Variants in CNTNAP2 observed in about 807,000 individuals in gnomAD.
CNTNAP2 encodes the protein contactin associated protein 2.
Under a neutral mutation model 155.2 loss-of-function variants are expected in CNTNAP2, and 98 were observed. That is an observed-to-expected ratio of 0.63 (90% CI 0.54 to 0.75). The LOEUF (loss-of-function observed/expected upper bound fraction) is 0.75. CNTNAP2 is among the 30% of genes least tolerant of loss of function. CNTNAP2 has a pLI of 0.00. For synonymous variants in CNTNAP2, 651 were observed against 631.2 expected (o/e 1.03, Z -0.47); for missense variants, 1,727 against 1,688.1 (o/e 1.02, Z -0.40).
intron 4 of CNTNAP2, among the ~76,000 whole-genome samples, chr7:147,051,447 G>A (rs1799472455): frequency 1.3e-5 from 2 of 151,848 alleles, no homozygotes; most frequent in African/African-American, 4.8e-5. Context: ...TGAATTTTTG[G>A]CAGAATAAAT....
intron 3 of CNTNAP2, among the ~76,000 whole-genome samples, chr7:146,867,166 C>A (rs1055742502): frequency 1.3e-5 from 2 of 152,100 alleles, no homozygotes; most frequent in Non-Finnish European, 2.9e-5. Context: ...TCTTCTCCCT[C>A]TTCCAAACTT....
At chr7:148,362,834 C>G (rs1458944258) in intron 21 of CNTNAP2, among the ~76,000 whole-genome samples, 1 of 152,208 alleles carries the variant, frequency 6.6e-6, no homozygotes. Context: ...CAGATGGTCT[C>G]CAACTTATGA....
In CNTNAP2 at chr7:148,204,421, T is replaced by A. The variant is rs115192114; in HGVS notation, c.3011-12867T>A. ...AATATTACAAAAGATATGTACTGCT[T>A]TTACAATAATCAGCAAATGGGAATG... is the stretch of plus-strand genomic sequence containing the variant. On this transcript the variant is annotated intron_variant, in intron 18 of 23. Coordinates refer to ENST00000361727, the MANE Select transcript of CNTNAP2 (RefSeq NM_014141.6). 6.3e-3 allele frequency among the ~76,000 whole-genome samples: 955 copies of A among 152,128 alleles called. 10 individuals carry two copies. The highest frequency in any genetic ancestry group is 0.022 in the African/African-American group (919 of 41,512).
At chr7:148,022,251 T>C (rs1455182117) in intron 15 of CNTNAP2, among the ~76,000 whole-genome samples, 1 of 152,102 alleles carries the variant, frequency 6.6e-6, no homozygotes, top group East Asian at 1.9e-4. Context: ...GCAGATTGCC[T>C]GAGCTCAGGA....
intron 15 of CNTNAP2, among the ~76,000 whole-genome samples, chr7:147,995,939 A>G (rs898776094): frequency 9.2e-5 from 14 of 152,186 alleles, no homozygotes; most frequent in African/African-American, 2.9e-4. Flanking sequence ...CAGCTACATA[A>G]TTTGCAAAGT....
At chr7:147,711,261 A>C (rs948435941) in intron 13 of CNTNAP2, among the ~76,000 whole-genome samples, 2 of 152,168 alleles carry the variant, frequency 1.3e-5, no homozygotes, top group Non-Finnish European at 2.9e-5. Flanking sequence ...CTTATACTGA[A>C]TTTGAAAAGA....
intron 1 of CNTNAP2, among the ~76,000 whole-genome samples, chr7:146,578,130 G>A (rs996716158): frequency 5.3e-5 from 8 of 151,844 alleles, no homozygotes; most frequent in Non-Finnish European, 7.4e-5. Context: ...TTAAAGTATC[G>A]CTAAGTTATT....
chr7:146,472,541 A>G (rs1231956849), intron 1 of CNTNAP2, among the ~76,000 whole-genome samples: 1 of 152,174 alleles, frequency 6.6e-6, no homozygotes, highest in Non-Finnish European at 1.5e-5. Context: ...CTAAAAATGT[A>G]TTACTACCCA....
At chr7:146,153,920 T>A in intron 1 of CNTNAP2, among the ~76,000 whole-genome samples, 1 of 152,248 alleles carries the variant, frequency 6.6e-6, no homozygotes, top group East Asian at 1.9e-4. Context: ...TATTTTATGA[T>A]CTGCTCTGCC....
At chr7:146,910,549 T>C (rs1220799859) in intron 3 of CNTNAP2, among the ~76,000 whole-genome samples, 2 of 151,334 alleles carry the variant, frequency 1.3e-5, no homozygotes, top group African/African-American at 2.5e-5. Context: ...AAACAAGCAT[T>C]GGGGAAAGGA....
chr7:148,347,926 G>C (rs186304076), intron 21 of CNTNAP2, among the ~76,000 whole-genome samples: 10 of 152,138 alleles, frequency 6.6e-5, no homozygotes, highest in East Asian at 1.9e-4. Flanking sequence ...TGTAGTTCTC[G>C]TCAATTCAAA....
chr7:146,348,815 A>G (rs1430417636), intron 1 of CNTNAP2, among the ~76,000 whole-genome samples: 4 of 148,532 alleles, frequency 2.7e-5, no homozygotes, highest in Admixed American at 1.4e-4. Flanking sequence ...TCTCATGATT[A>G]TATATAATAT....
intron 1 of CNTNAP2, among the ~76,000 whole-genome samples, chr7:146,696,714 T>C (rs1448348167): frequency 6.6e-6 from 1 of 152,202 alleles, no homozygotes; most frequent in African/African-American, 2.4e-5. Flanking sequence ...TTTGAAAAGT[T>C]GTATTTTAAT....
chr7:148,002,797 A>G (rs1801919873), intron 15 of CNTNAP2, among the ~76,000 whole-genome samples: 1 of 152,188 alleles, frequency 6.6e-6, no homozygotes, highest in Non-Finnish European at 1.5e-5. Context: ...TGTATCTGCC[A>G]CAGAGCCTAG....
chr7:146,908,258 C>A (rs1796189222), intron 3 of CNTNAP2, among the ~76,000 whole-genome samples: 1 of 151,680 alleles, frequency 6.6e-6, no homozygotes, highest in African/African-American at 2.4e-5. Flanking sequence ...AGAAAGTCAA[C>A]AAGGATACCC....
In CNTNAP2 at chr7:147,774,188, T is replaced by C. The variant is rs851675; in HGVS notation, c.2099-129377T>C. Among the ~76,000 whole-genome samples, 613 of 152,314 alleles carry C rather than the reference T, an allele frequency of 4.0e-3. 2 individuals carry two copies. Among genetic ancestry groups the C allele is most frequent in the African/African-American group, 0.014 (586 of 41,566 alleles). ...TGGCAGGGTATAGATTTTACTCTTA[T>C]GCATTGTCTGCCTCACCAATGGAGA... On this transcript the variant is annotated intron_variant, in intron 13 of 23. Transcript: ENST00000361727.
intron 3 of CNTNAP2, among the ~76,000 whole-genome samples, chr7:146,920,783 TTTTG>T (rs1796483506): frequency 6.6e-6 from 1 of 152,232 alleles, no homozygotes; most frequent in Non-Finnish European, 1.5e-5. Flanking sequence ...GCAGACTAAA[TTTTG>T]TTTAAGTGCA....
intron 13 of CNTNAP2, among the ~76,000 whole-genome samples, chr7:147,780,473 T>C (rs1449958328): frequency 6.6e-6 from 1 of 151,868 alleles, no homozygotes; most frequent in Non-Finnish European, 1.5e-5. Context: ...CAGATCTACA[T>C]CTAGCCACAG....
intron 12 of CNTNAP2, among the ~76,000 whole-genome samples, chr7:147,574,156 G>T (rs1800345315): frequency 6.6e-6 from 1 of 151,874 alleles, no homozygotes; most frequent in East Asian, 1.9e-4. Flanking sequence ...TTTTCTTCTT[G>T]AAAATTTCCT....
Sources: gnomAD v4.1 joint callset for allele counts (sites outside exome capture counted in the v4.1 genomes callset) on GRCh38, gnomAD v4.1.1 for gene constraint, MANE v1.5 for transcripts, NCBI Gene and HGNC (gene_info 2026-07-23, HGNC 2026-07-21) for gene names.